MAL: variants seen among roughly 807,000 people sequenced by gnomAD.
The protein encoded by MAL is myelin and lymphocyte protein.
MAL carries 5 observed loss-of-function variants against 16.7 expected under a neutral mutation model. The observed-to-expected ratio is 0.30, with a 90% CI of 0.16 to 0.63. The LOEUF (loss-of-function observed/expected upper bound fraction) is 0.63. MAL is among the 30% of genes least tolerant of loss of function. MAL has a pLI of 0.82. For missense variants in MAL, 202 were observed against 195.8 expected, an observed-to-expected ratio of 1.03 and a Z score of -0.19; for synonymous variants, 96 against 85.5, an observed-to-expected ratio of 1.12 and a Z score of -0.67.
chr2:95,037,230 T>G (rs971653935), intron 1 of MAL, among the ~76,000 whole-genome samples: 8 of 150,256 alleles, frequency 5.3e-5, no homozygotes, highest in Non-Finnish European at 8.9e-5. Context: ...AGTGACCAAG[T>G]GAGTGAGTGA....
intron 1 of MAL, among the ~76,000 whole-genome samples, chr2:95,040,747 C>A (rs1674442523): frequency 6.6e-6 from 1 of 152,134 alleles, no homozygotes. Flanking sequence ...CCTCGTCTGG[C>A]GGGGACATCT....
intron 1 of MAL, among the ~76,000 whole-genome samples, chr2:95,034,935 A>G (rs1674170317): frequency 6.6e-6 from 1 of 152,138 alleles, no homozygotes; most frequent in African/African-American, 2.4e-5. Context: ...GTCTGCCCAC[A>G]TCCCTGGCAC....
intron 3 of MAL, 132 bp from the exon 4 acceptor site, chr2:95,053,249 G>A: frequency 1.4e-6 from 1 of 715,812 alleles, no homozygotes; most frequent in East Asian, 2.5e-5. Context: ...TCCATGTGAG[G>A]GTGAGAAGCA....
At position 95,031,562 on chromosome 2, in the gene MAL, A is replaced by C. The variant is rs115109454; in HGVS notation, c.93+5677A>C. ...AATAGTGGGAACAGTTCTCAGGGAG[A>C]GGCTGGGGCAAGCAGCCAGGTGCTC... On this transcript the variant is annotated intron_variant, in intron 1 of 3. Coordinates refer to ENST00000309988, the MANE Select transcript of MAL (RefSeq NM_002371.4). Among the ~76,000 whole-genome samples, 1,186 of 152,250 alleles carry C rather than the reference A, an allele frequency of 7.8e-3. 14 individuals carry two copies. The highest frequency in any genetic ancestry group is 0.027 in the African/African-American group (1,140 of 41,538).
chr2:95,029,471 C>A (rs1477650644), intron 1 of MAL, among the ~76,000 whole-genome samples: 1 of 152,230 alleles, frequency 6.6e-6, no homozygotes, highest in African/African-American at 2.4e-5. Context: ...ACTTTGTTTA[C>A]CCAGTCTTCT....
rs1013961550 is a variant in MAL, at chr2:95,025,752, C to G, written c.-41C>G. The G allele has an allele frequency of 9.3e-6, 13 of 1,399,658 alleles. No homozygotes were observed. The highest frequency in any genetic ancestry group is 8.5e-5 in the East Asian group (3 of 35,364). 86.7% of individuals were successfully genotyped at this position (1,399,658 alleles called of 1,614,324 possible). Reference sequence around the variant, plus strand: ...GCGAGAGGTCTGCGCGGAGTCTGAGCGGCGCTCGTCCCGTCCCAAGGCCGA... The same window carrying G: ...GCGAGAGGTCTGCGCGGAGTCTGAGGGGCGCTCGTCCCGTCCCAAGGCCGA... On this transcript the variant is annotated 5_prime_UTR_variant, in exon 1 of 4. Coordinates refer to ENST00000309988, the MANE Select transcript of MAL (RefSeq NM_002371.4). This position sits in a 1 kb window ranked among gnomAD's most constrained non-coding sequence, Gnocchi z 5.6.
chr2:95,032,573 G>A (rs1378529596), intron 1 of MAL, among the ~76,000 whole-genome samples: 1 of 152,188 alleles, frequency 6.6e-6, no homozygotes, highest in Non-Finnish European at 1.5e-5. Context: ...GGACAGTGGG[G>A]GACTGTGCCC....
chr2:95,037,362 GA>G (rs1674250886), intron 1 of MAL, among the ~76,000 whole-genome samples: 1 of 150,200 alleles, frequency 6.7e-6, no homozygotes, highest in African/African-American at 2.4e-5. Flanking sequence ...GTGAGTGACT[GA>G]GTGAGTGAGT....
At chr2:95,027,369 C>G (rs544044648) in intron 1 of MAL, among the ~76,000 whole-genome samples, 1 of 152,290 alleles carries the variant, frequency 6.6e-6, no homozygotes, top group African/African-American at 2.4e-5. Context: ...TGTGGCCTGC[C>G]GGTAGCGGGG....
At position 95,053,953 on chromosome 2, in the gene MAL, T is replaced by C. The variant is rs2104366865; in HGVS notation, c.*498T>C. 1 of 156,218 alleles carries C rather than the reference T, an allele frequency of 6.4e-6. No homozygotes were observed. The highest frequency in any genetic ancestry group is 1.9e-4 in the East Asian group (1 of 5,330). The allele number at this position is 156,218 out of a possible 1,614,324, so 9.7% of individuals were successfully genotyped here. A position where few individuals can be genotyped will look rare whatever the true frequency, so the allele number is the denominator to read the frequency against. On this transcript the variant is annotated 3_prime_UTR_variant, in exon 4 of 4. Transcript: ENST00000309988. ...TCCAGAGGTCCATGGTGGAAGACGA[T>C]AACCCTGTGAAATACTTTATAAAAT... is the stretch of plus-strand genomic sequence containing the variant.
chr2:95,031,298 G>A (rs1469842191), intron 1 of MAL, among the ~76,000 whole-genome samples: 1 of 152,136 alleles, frequency 6.6e-6, no homozygotes, highest in Non-Finnish European at 1.5e-5. Context: ...TGGCAGCTCT[G>A]GGCAAGGCTT....
At chr2:95,039,228 GTGACTGA>G (rs1674369538) in intron 1 of MAL, among the ~76,000 whole-genome samples, 1 of 150,716 alleles carries the variant, frequency 6.6e-6, no homozygotes, top group African/African-American at 2.4e-5. Flanking sequence ...GAGTGAGTGA[GTGACTGA>G]GTGACTGAGT....
chr2:95,039,216 GTGAGTGAGTGAGTGACTGAGTGAC>G (rs2104346846), intron 1 of MAL, among the ~76,000 whole-genome samples: 2 of 149,994 alleles, frequency 1.3e-5, no homozygotes, highest in African/African-American at 5.0e-5. Flanking sequence ...GACTGAGTGA[GTGAGTGAGTGAGTGACTGAGTGAC>G]TGAGTGAGTA....
chr2:95,051,482 G>C (rs1046261781), intron 3 of MAL: 7 of 152,190 alleles, frequency 4.6e-5, no homozygotes, highest in Non-Finnish European at 1.0e-4. Flanking sequence ...GTTCAGTTTT[G>C]CCTGCCTTTG....
chr2:95,053,186 G>A, intron 3 of MAL, 195 bp from the exon 4 acceptor site: 1 of 543,378 alleles, frequency 1.8e-6, no homozygotes, highest in Non-Finnish European at 3.3e-6. Context: ...TAGGTCACAT[G>A]GAGCTCTGTA....
chr2:95,049,727 C>T (rs1419171954), intron 3 of MAL, 21 bp downstream of exon 3: 2 of 1,613,886 alleles, frequency 1.2e-6, no homozygotes. Context: ...GCACCTGGGG[C>T]TGTGTCCACA....
At chr2:95,041,733 TC>T (rs1240063120) in intron 1 of MAL, among the ~76,000 whole-genome samples, 1 of 152,098 alleles carries the variant, frequency 6.6e-6, no homozygotes, top group Non-Finnish European at 1.5e-5. Context: ...CCTGGCTGCC[TC>T]CCATGATTAA....
chr2:95,031,688 A>T (rs1674086409), intron 1 of MAL, among the ~76,000 whole-genome samples: 2 of 152,210 alleles, frequency 1.3e-5, no homozygotes, highest in Non-Finnish European at 2.9e-5. Flanking sequence ...GGAGTGGGGC[A>T]GGCCCCGCTT....
At position 95,049,562 on chromosome 2, in the gene MAL, C is replaced by G. The variant is rs1326762853; in HGVS notation, c.262-19C>G. 6.2e-7 allele frequency: 1 copy of G among 1,613,756 alleles called. No individual in the cohort carries two copies. Among genetic ancestry groups the G allele is most frequent in the East Asian group, 2.2e-5 (1 of 44,894 alleles). The stretch of plus-strand genomic sequence containing the variant: ...CGTCTCTCTCTCCCCATCCCTCTGA[C>G]ACCCCGTCTGCCCCATAGGACGCAG... On this transcript the variant is annotated intron_variant, in intron 2 of 3. Coordinates refer to ENST00000309988, the MANE Select transcript of MAL (RefSeq NM_002371.4).
Sources: gnomAD v4.1 joint callset for allele counts (sites outside exome capture counted in the v4.1 genomes callset) on GRCh38, gnomAD v4.1.1 for gene constraint, Gnocchi (gnomAD v3.1) non-coding constraint, MANE v1.5 for transcripts, NCBI Gene and HGNC (gene_info 2026-07-23, HGNC 2026-07-21) for gene names.